Variants in APBB2 observed in about 807,000 individuals in gnomAD.
APBB2 encodes the protein amyloid beta precursor protein binding family B member 2.
Under a neutral mutation model 82.5 loss-of-function variants are expected in APBB2, and 38 were observed. That is an observed-to-expected ratio of 0.46 (90% CI 0.36 to 0.60). APBB2 has a LOEUF of 0.60. APBB2 is among the 20% of genes least tolerant of loss of function. The pLI is 0.00. For synonymous variants in APBB2, 341 were observed against 368.2 expected, an observed-to-expected ratio of 0.93 and a Z score of 0.85; for missense variants, 772 against 972.3, an observed-to-expected ratio of 0.79 and a Z score of 2.74.
chr4:41,070,727 A>C (rs1288864994), intron 3 of APBB2, among the ~76,000 whole-genome samples: 1 of 152,158 alleles, frequency 6.6e-6, no homozygotes, highest in East Asian at 1.9e-4. Flanking sequence ...ATTTTTCTGA[A>C]CTGTTAAAAA....
chr4:40,921,643 C>T (rs2154368456), intron 10 of APBB2, among the ~76,000 whole-genome samples: 2 of 152,300 alleles, frequency 1.3e-5, no homozygotes, highest in South Asian at 4.1e-4. Flanking sequence ...TATTTAGTGA[C>T]ACTGGCCCAC....
intron 12 of APBB2, among the ~76,000 whole-genome samples, chr4:40,833,943 C>A (rs1752948105): frequency 6.6e-6 from 1 of 152,180 alleles, no homozygotes; most frequent in Non-Finnish European, 1.5e-5. Context: ...TGCCTCAGTT[C>A]TTTCATAGGC....
intron 1 of APBB2, chr4:41,193,591 G>A: frequency 2.0e-6 from 2 of 984,706 alleles, no homozygotes; most frequent in Non-Finnish European, 2.4e-6. Flanking sequence ...TTGTCAGTGA[G>A]CTTAACATGT....
intron 6 of APBB2, among the ~76,000 whole-genome samples, chr4:40,988,050 T>G (rs1274654418): frequency 6.6e-6 from 1 of 152,218 alleles, no homozygotes; most frequent in African/African-American, 2.4e-5. Flanking sequence ...GATTATTTTG[T>G]GAACTAAATG....
chr4:41,109,276 A>C (rs1748323863), intron 2 of APBB2, among the ~76,000 whole-genome samples: 1 of 149,522 alleles, frequency 6.7e-6, no homozygotes, highest in Non-Finnish European at 1.5e-5. Flanking sequence ...TACACTAAAA[A>C]AAGAAAAAAA....
chr4:41,081,607 T>C (rs4861364), intron 3 of APBB2, among the ~76,000 whole-genome samples: 9 of 152,194 alleles, frequency 5.9e-5, no homozygotes, highest in Admixed American at 2.6e-4. Flanking sequence ...AAAATTTTTT[T>C]TCCATCTCAA....
intron 6 of APBB2, among the ~76,000 whole-genome samples, chr4:41,012,540 T>C (rs1808671705): frequency 6.6e-6 from 1 of 152,200 alleles, no homozygotes; most frequent in Non-Finnish European, 1.5e-5. Flanking sequence ...AGTACTGGGA[T>C]TTTTAAAGGG....
At chr4:40,858,274 G>A (rs759602768) in intron 12 of APBB2, among the ~76,000 whole-genome samples, 1 of 152,006 alleles carries the variant, frequency 6.6e-6, no homozygotes, top group Non-Finnish European at 1.5e-5. Context: ...TGTGAGCACT[G>A]AAAGTACTTC....
chr4:40,853,810 C>T (rs953238752), intron 12 of APBB2, among the ~76,000 whole-genome samples: 1 of 152,174 alleles, frequency 6.6e-6, no homozygotes, highest in Non-Finnish European at 1.5e-5. Flanking sequence ...TCTCAGCCTT[C>T]AAGCCCAGCT....
chr4:40,883,321 T>G (rs1769219401), intron 12 of APBB2, among the ~76,000 whole-genome samples: 3 of 151,980 alleles, frequency 2.0e-5, no homozygotes, highest in African/African-American at 7.3e-5. Context: ...AGACGGTGGC[T>G]CACACCAGTA....
intron 5 of APBB2, among the ~76,000 whole-genome samples, chr4:41,021,500 A>T (rs1811505125): frequency 6.6e-6 from 1 of 152,212 alleles, no homozygotes; most frequent in Non-Finnish European, 1.5e-5. Flanking sequence ...AAATGCACCA[A>T]TCAGCACTCT....
chr4:40,995,250 A>G (rs1442810139), intron 6 of APBB2, among the ~76,000 whole-genome samples: 2 of 152,212 alleles, frequency 1.3e-5, no homozygotes, highest in African/African-American at 2.4e-5. Context: ...ATGCAGTACC[A>G]AGAAATCTAA....
chr4:41,011,064 T>G (rs1429976105), intron 6 of APBB2, among the ~76,000 whole-genome samples: 1 of 152,070 alleles, frequency 6.6e-6, no homozygotes, highest in Non-Finnish European at 1.5e-5. Context: ...GATTAGTATT[T>G]TATATTAGTA....
Position 41,147,506 on chromosome 4 carries a change from TA to T in APBB2, c.-416-4365del, listed in dbSNP as rs869274400. ...CTTTTTTTTTTTTTTTTTTTTTTTT[TA>T]AATGAGGAGTTTCCCTCTTGTCTCC... On this transcript the variant is annotated intron_variant, in intron 1 of 17. Transcript: ENST00000508593. 4.1e-5 allele frequency among the ~76,000 whole-genome samples: 6 copies of T among 144,910 alleles called. No individual in the cohort carries two copies. The East Asian group carries it at 5.9e-4, about 14-fold the overall frequency.
chr4:41,133,192 T>C (rs1756578488), intron 2 of APBB2, among the ~76,000 whole-genome samples: 1 of 152,216 alleles, frequency 6.6e-6, no homozygotes, highest in Admixed American at 6.5e-5. Context: ...GGAGCACATA[T>C]ACAGAACTAC....
intron 2 of APBB2, among the ~76,000 whole-genome samples, chr4:41,133,439 C>A (rs1756651474): frequency 6.6e-6 from 1 of 152,170 alleles, no homozygotes; most frequent in African/African-American, 2.4e-5. Context: ...AACTGCTAGA[C>A]AATCAACCCC....
chr4:41,203,744 T>C (rs1455878311), intron 1 of APBB2, among the ~76,000 whole-genome samples: 2 of 152,152 alleles, frequency 1.3e-5, no homozygotes, highest in Non-Finnish European at 2.9e-5. Flanking sequence ...TCCCTTCCTG[T>C]GTGAACTGTT....
chr4:40,981,388 AAAAGAG>A (rs1798444663), intron 6 of APBB2, among the ~76,000 whole-genome samples: 1 of 151,522 alleles, frequency 6.6e-6, no homozygotes, highest in Non-Finnish European at 1.5e-5. Context: ...CTCAAAAAAA[AAAAGAG>A]ACAGAGCAAG....
chr4:41,195,523 G>A, intron 1 of APBB2, among the ~76,000 whole-genome samples: 27 of 152,124 alleles, frequency 1.8e-4, no homozygotes, highest in African/African-American at 2.2e-4. Flanking sequence ...CAAGAGCCTC[G>A]CCACAGGTCT....
Sources: gnomAD v4.1 joint callset for allele counts (sites outside exome capture counted in the v4.1 genomes callset) on GRCh38, gnomAD v4.1.1 for gene constraint, MANE v1.5 for transcripts, NCBI Gene and HGNC (gene_info 2026-07-23, HGNC 2026-07-21) for gene names.